MDGA2: variants seen among roughly 807,000 people sequenced by gnomAD.
The protein encoded by MDGA2 is MAM domain-containing glycosylphosphatidylinositol anchor protein 2.
MDGA2 carries 40 observed loss-of-function variants against 117.8 expected under a neutral mutation model. The ratio of observed to expected loss-of-function variants is 0.34; its 90% CI spans 0.26 to 0.44. The LOEUF (loss-of-function observed/expected upper bound fraction) is 0.44, where lower values mean the gene tolerates loss of function less well. Ranked by LOEUF, MDGA2 falls within the 20% of genes least tolerant of loss-of-function variation. The probability of loss-of-function intolerance (pLI) is 1.00; values close to 1 mark genes in which losing one functional copy is unlikely to be tolerated. For missense variants in MDGA2, 1,123 were observed against 1,250.6 expected (o/e 0.90, Z 1.54); for synonymous variants, 452 against 439.0 (o/e 1.03, Z -0.37).
At chr14:47,627,748 T>C (rs1897175115) in intron 1 of MDGA2, among the ~76,000 whole-genome samples, 1 of 152,176 alleles carries the variant, frequency 6.6e-6, no homozygotes. Context: ...TTCCACATTG[T>C]GGAAGCTTTG....
rs116517289 is a variant in MDGA2 at position 46,919,156 on chromosome 14, T to C, written c.2238+856A>G. On this transcript the variant is annotated intron_variant, in intron 10 of 16. Coordinates refer to ENST00000399232, the MANE Select transcript of MDGA2 (RefSeq NM_001113498.3). ...GAATAGCTGAATGAATCGTTGGAGG[T>C]TGATCAGTCTTACTCGATGAAAATT... Among the ~76,000 whole-genome samples, 682 of 152,246 alleles carry C rather than the reference T, an allele frequency of 4.5e-3. 6 individuals carry two copies. The highest frequency in any genetic ancestry group is 0.015 in the African/African-American group (629 of 41,534).
At chr14:47,660,548 C>T (rs1897826034) in intron 1 of MDGA2, among the ~76,000 whole-genome samples, 1 of 152,208 alleles carries the variant, frequency 6.6e-6, no homozygotes. Context: ...AATCAACTGT[C>T]CTCTTGAACA....
At chr14:47,613,830 T>C (rs1896898687) in intron 1 of MDGA2, among the ~76,000 whole-genome samples, 1 of 152,148 alleles carries the variant, frequency 6.6e-6, no homozygotes, top group South Asian at 2.1e-4. Context: ...AAATTTTACC[T>C]ATACTTTTAT....
chr14:47,183,443 T>C (rs945133645), intron 3 of MDGA2, among the ~76,000 whole-genome samples: 2 of 152,116 alleles, frequency 1.3e-5, no homozygotes, highest in African/African-American at 4.8e-5. Flanking sequence ...AGATCCCTAC[T>C]GCCACAATGT....
intron 1 of MDGA2, among the ~76,000 whole-genome samples, chr14:47,327,011 G>C (rs985293409): frequency 1.3e-5 from 2 of 152,152 alleles, no homozygotes; most frequent in Non-Finnish European, 2.9e-5. Flanking sequence ...GAGTGTGAAA[G>C]ACTCTGGAAC....
rs535004718 is a variant in MDGA2 at position 47,174,561 on chromosome 14, T to C, written c.596-30287A>G. ...TCCTGAATGACTACTGGGTACATAATGAAATGAAGGCAGAAATAAAGATGT... is the reference window on the plus strand; with the variant it reads ...TCCTGAATGACTACTGGGTACATAACGAAATGAAGGCAGAAATAAAGATGT... On this transcript the variant is annotated intron_variant, in intron 3 of 16. Transcript: ENST00000399232. Among the ~76,000 whole-genome samples the C allele has an allele frequency of 5.6e-3, 850 of 152,014 alleles. 3 individuals carry two copies. Among genetic ancestry groups the C allele is most frequent in the African/African-American group, 0.019 (804 of 41,448 alleles).
At chr14:47,244,993 C>T (rs1335803126) in intron 2 of MDGA2, among the ~76,000 whole-genome samples, 1 of 150,812 alleles carries the variant, frequency 6.6e-6, no homozygotes, top group Non-Finnish European at 1.5e-5. Context: ...AGGATATTTT[C>T]TCTTCCACAT....
chr14:47,451,628 A>C (rs1308226321), intron 1 of MDGA2, among the ~76,000 whole-genome samples: 1 of 152,122 alleles, frequency 6.6e-6, no homozygotes, highest in Non-Finnish European at 1.5e-5. Context: ...CGTAGTAATA[A>C]AGACAGTTTT....
At chr14:46,965,721 G>T (rs937141547) in intron 8 of MDGA2, among the ~76,000 whole-genome samples, 2 of 152,118 alleles carry the variant, frequency 1.3e-5, no homozygotes, top group African/African-American at 4.8e-5. Flanking sequence ...CAGTTATGAT[G>T]AAATGTATAG....
At chr14:47,406,363 T>A (rs1347365797) in intron 1 of MDGA2, among the ~76,000 whole-genome samples, 1 of 152,074 alleles carries the variant, frequency 6.6e-6, no homozygotes, top group Non-Finnish European at 1.5e-5. Context: ...AAGTGTTTAT[T>A]AAATGTAGTA....
Position 47,445,562 on chromosome 14 carries a change from C to T in MDGA2, c.281-144012G>A, listed in dbSNP as rs145058789. Among the ~76,000 whole-genome samples the T allele has an allele frequency of 3.3e-5, 5 of 152,164 alleles. No homozygotes were observed. In the East Asian group the frequency reaches 9.7e-4, roughly 29 times the overall value. On this transcript the variant is annotated intron_variant, in intron 1 of 16. Transcript: ENST00000399232. ...TAATTTGTGAGTTCATGTTCGCCAACTTCCTTTGTTATTAGGTGACAAGGA... is the reference window on the plus strand; with the variant it reads ...TAATTTGTGAGTTCATGTTCGCCAATTTCCTTTGTTATTAGGTGACAAGGA...
chr14:47,097,614 C>T (rs1345689302), intron 5 of MDGA2, among the ~76,000 whole-genome samples: 2 of 151,962 alleles, frequency 1.3e-5, no homozygotes, highest in Non-Finnish European at 2.9e-5. Flanking sequence ...AGTCATAGAT[C>T]ACCCAGGCTT....
chr14:47,300,813 T>C (rs1015035433), intron 2 of MDGA2, among the ~76,000 whole-genome samples: 4 of 152,140 alleles, frequency 2.6e-5, no homozygotes, highest in African/African-American at 4.8e-5. Flanking sequence ...CCTTTGCATA[T>C]TGTAATTTTA....
intron 1 of MDGA2, among the ~76,000 whole-genome samples, chr14:47,535,711 G>A (rs1195169678): frequency 6.6e-6 from 1 of 152,168 alleles, no homozygotes; most frequent in Non-Finnish European, 1.5e-5. Flanking sequence ...TGAAATAGGT[G>A]CAGACTGAAA....
chr14:47,092,597 G>A (rs1879722026), intron 6 of MDGA2, among the ~76,000 whole-genome samples: 1 of 152,168 alleles, frequency 6.6e-6, no homozygotes, highest in Non-Finnish European at 1.5e-5. Flanking sequence ...ATACTGAGGA[G>A]CTTTCCATGG....
At chr14:47,100,332 G>T (rs530497905) in intron 5 of MDGA2, among the ~76,000 whole-genome samples, 4 of 151,990 alleles carry the variant, frequency 2.6e-5, no homozygotes, top group African/African-American at 9.6e-5. Flanking sequence ...TCCATTACAA[G>T]CTTCTTCTTC....
downstream of MDGA2, chr14:46,840,054 A>G (rs1880545731): frequency 6.6e-6 from 1 of 152,468 alleles, no homozygotes; most frequent in South Asian, 2.1e-4. Flanking sequence ...TTTAGTGATA[A>G]GTGAACATTG....
At chr14:47,214,796 G>A (rs1886024102) in intron 3 of MDGA2, among the ~76,000 whole-genome samples, 1 of 152,004 alleles carries the variant, frequency 6.6e-6, no homozygotes, top group South Asian at 2.1e-4. Context: ...TGTAGAACGT[G>A]GGATTTGCTG....
At chr14:46,904,073 C>A (rs897401337) in intron 10 of MDGA2, among the ~76,000 whole-genome samples, 1 of 151,936 alleles carries the variant, frequency 6.6e-6, no homozygotes, top group Non-Finnish European at 1.5e-5. Context: ...ATAAAAATGG[C>A]CAATTTTGGG....
Sources: allele counts gnomAD v4.1 joint callset (sites outside exome capture counted in the v4.1 genomes callset), GRCh38; gene constraint gnomAD v4.1.1; transcripts MANE v1.5; gene names NCBI Gene and HGNC (gene_info 2026-07-23, HGNC 2026-07-21).